EVX2: variants seen among roughly 807,000 people sequenced by gnomAD.
EVX2 encodes homeobox even-skipped homolog protein 2.
EVX2 carries 10 observed loss-of-function variants against 19.2 expected under a neutral mutation model. The observed-to-expected ratio is 0.52, with a 90% CI of 0.32 to 0.89. EVX2 has a LOEUF of 0.89. EVX2 is among the 40% of genes least tolerant of loss of function. EVX2 has a pLI of 0.03. For missense variants in EVX2, 710 were observed against 694.9 expected (o/e 1.02, Z -0.24); for synonymous variants, 354 against 328.4 (o/e 1.08, Z -0.84).
In EVX2 at chr2:176,080,723, C is replaced by T; in HGVS notation, c.815G>A (p.Gly272Glu). Residue 272 changes from glycine to glutamate, a missense_variant, in exon 3 of 3, where the codon GGA becomes GAA. By Grantham distance (98) the Gly-to-Glu change is moderately conservative (BLOSUM62 -2). Coordinates refer to ENST00000308618, the MANE Select transcript of EVX2 (RefSeq NM_001080458.2). This position sits in a 1 kb window ranked among gnomAD's most constrained non-coding sequence, Gnocchi z 7.0. ...TYMMTHAAAT[G>E]SLPYPFHSHV... ...CGAGTGGAAGGGGTAGGGCAGGCTT[C>T]CGGTGGCGGCCGCGTGCGTCATCAT... 6.2e-7 allele frequency: 1 copy of T among 1,607,400 alleles called. No homozygotes were observed. The highest frequency in any genetic ancestry group is 8.5e-7 in the Non-Finnish European group (1 of 1,179,560).
Position 176,080,114 on chromosome 2 carries a change from G to A in EVX2, c.1424C>T (p.Thr475Ile), listed in dbSNP as rs1295456533. The change falls in exon 3 of 3, where the codon ACC becomes ATC. Residue 475 changes from threonine to isoleucine, a missense_variant. Transcript: ENST00000308618. The surrounding 1 kb of genome is among the most constrained non-coding windows in gnomAD (Gnocchi z 7.0). ...CTGGCGGTGGCGACGTAGTTATCTG[G>A]TGAGCGGAGCCTCGTCCCTCTGGTC... ...PPDQRDEAPL[T>I]R 1.2e-5 allele frequency: 18 copies of A among 1,544,176 alleles called. No individual in the cohort carries two copies. Among genetic ancestry groups the A allele is most frequent in the Admixed American group, 3.8e-5 (2 of 52,142 alleles).
chr2:176,080,627 G>A lies in EVX2; in HGVS notation c.911C>T (p.Ala304Val). The change falls in exon 3 of 3, where the codon GCG becomes GTG. Residue 304 changes from alanine (A) to valine (V), a missense_variant. Coordinates refer to ENST00000308618, the MANE Select transcript of EVX2 (RefSeq NM_001080458.2). The surrounding 1 kb of genome is among the most constrained non-coding windows in gnomAD (Gnocchi z 7.0). ...GAAGGGCGACGAAGCCGCGGCCGCC[G>A]CGCCTGAGGCTGCAGCCGCGGCCGC... is the stretch of plus-strand genomic sequence containing the variant. ...AAAAAAAASG[A>V]AAAASSPFAT... The A allele has an allele frequency of 3.3e-6, 5 of 1,533,810 alleles. No individual in the cohort carries two copies. The highest frequency in any genetic ancestry group is 4.3e-6 in the Non-Finnish European group (5 of 1,152,808).
chr2:176,083,838 T>C lies in EVX2; in HGVS notation c.-62A>G. On this transcript the variant is annotated 5_prime_UTR_variant, in exon 1 of 3. Transcript: ENST00000308618. This position sits in a 1 kb window ranked among gnomAD's most constrained non-coding sequence, Gnocchi z 4.4. ...TCCCGTCCTAATGATAGGCTGCGCC[T>C]AGGGCTAATTCTCATTCAGCCCCAG... 1 of 1,401,068 alleles carries C rather than the reference T, an allele frequency of 7.1e-7. No individual in the cohort carries two copies. Among genetic ancestry groups the C allele is most frequent in the Non-Finnish European group, 9.8e-7 (1 of 1,016,030 alleles). The allele number at this position is 1,401,068 out of a possible 1,614,324, so 86.8% of individuals were successfully genotyped here. A position where few individuals can be genotyped will look rare whatever the true frequency, so the allele number is the denominator to read the frequency against.
chr2:176,082,209 G>T lies in EVX2; in HGVS notation c.668C>A (p.Ala223Glu). 1 of 1,599,684 alleles carries T rather than the reference G, an allele frequency of 6.3e-7. No homozygotes were observed. Residue 223 changes from alanine (A) to glutamate (E), a missense_variant, in exon 2 of 3, where the codon GCG becomes GAG. Transcript: ENST00000308618. This position sits in a 1 kb window ranked among gnomAD's most constrained non-coding sequence, Gnocchi z 5.2. ...GGTGGTTTCGGGCAGGTTGAGTGCCGCGGCCAGCTCGCACCGGCGGGGCCG... is the reference window on the plus strand; with the variant it reads ...GGTGGTTTCGGGCAGGTTGAGTGCCTCGGCCAGCTCGCACCGGCGGGGCCG... Reference protein sequence around the residue: ...VSRPRRCELAAALNLPETTIK... With the variant: ...VSRPRRCELAEALNLPETTIK...
Position 176,079,278 on chromosome 2 carries a change from T to C in EVX2, c.*829A>G, listed in dbSNP as rs1689095576. ...CTGGCCGTGGCAACCTCTTTTGCCA[T>C]CACTTTTTGCATAAAATATGCAAGA... On this transcript the variant is annotated 3_prime_UTR_variant, in exon 3 of 3. Transcript: ENST00000308618. The surrounding 1 kb of genome is among the most constrained non-coding windows in gnomAD (Gnocchi z 4.4). 6.6e-6 allele frequency: 1 copy of C among 152,206 alleles called. No homozygotes were observed. Among genetic ancestry groups the C allele is most frequent in the African/African-American group, 2.4e-5 (1 of 41,424 alleles). 9.4% of individuals were successfully genotyped at this position (152,206 alleles called of 1,614,324 possible).
In EVX2 at chr2:176,082,317, T is replaced by C; in HGVS notation, c.560A>G (p.Gln187Arg). 1 of 1,598,072 alleles carries C rather than the reference T, an allele frequency of 6.3e-7. No homozygotes were observed. The highest frequency in any genetic ancestry group is 8.5e-7 in the Non-Finnish European group (1 of 1,177,128). ...GAACGCCGTACGGTAGCGCCGCACT[T>C]GATCCGCGCCAGAGCCGGAGCCACC... ...ALGGSGSGAD[Q>R]VRRYRTAFTR... The change falls in exon 2 of 3, where the codon CAA (glutamine) becomes CGA (arginine). Residue 187 changes from glutamine to arginine, a missense_variant. Physicochemically the swap from Gln to Arg is conservative, Grantham distance 43. Coordinates refer to ENST00000308618, the MANE Select transcript of EVX2 (RefSeq NM_001080458.2). The surrounding 1 kb of genome is among the most constrained non-coding windows in gnomAD (Gnocchi z 5.2).
At position 176,080,545 on chromosome 2, in the gene EVX2, C is replaced by A; in HGVS notation, c.993G>T (p.Arg331=). Residue 331 remains arginine, a synonymous_variant, in exon 3 of 3, where the codon CGG becomes CGT. Coordinates refer to ENST00000308618, the MANE Select transcript of EVX2 (RefSeq NM_001080458.2). This position sits in a 1 kb window ranked among gnomAD's most constrained non-coding sequence, Gnocchi z 7.0. ...TFRALSHPYS[R]PELLCSFRHP... ...GGCGGAAGCTACACAGCAGCTCCGG[C>A]CGAGAGTAGGGGTGCGAGAGGGCGC... is the stretch of plus-strand genomic sequence containing the variant. 1 of 1,514,648 alleles carries A rather than the reference C, an allele frequency of 6.6e-7. No individual in the cohort carries two copies. Among genetic ancestry groups the A allele is most frequent in the Non-Finnish European group, 8.7e-7 (1 of 1,146,988 alleles). 93.8% of individuals were successfully genotyped at this position (1,514,648 alleles called of 1,614,324 possible).
Position 176,080,824 on chromosome 2 carries a change from G to A in EVX2, c.714C>T (p.Asn238=), listed in dbSNP as rs1689137820. The A allele has an allele frequency of 1.2e-6, 2 of 1,611,564 alleles. No individual in the cohort carries two copies. Among genetic ancestry groups the A allele is most frequent in the South Asian group, 2.2e-5 (2 of 90,922 alleles). ...GCTGCCGCTTGTCCTTCATGCGCCG[G>A]TTCTGGAACCACACCTGCGGGGAGA... is the stretch of plus-strand genomic sequence containing the variant. ...PETTIKVWFQ[N]RRMKDKRQRL... Residue 238 remains asparagine (N), a synonymous_variant, in exon 3 of 3, where the codon AAC becomes AAT. Transcript: ENST00000308618. This position sits in a 1 kb window ranked among gnomAD's most constrained non-coding sequence, Gnocchi z 7.0.
Position 176,080,395 on chromosome 2 carries a change from G to A in EVX2, c.1143C>T (p.Ser381=). The change falls in exon 3 of 3, where the codon AGC becomes AGT. Residue 381 remains serine (S), a synonymous_variant. Transcript: ENST00000308618. This position sits in a 1 kb window ranked among gnomAD's most constrained non-coding sequence, Gnocchi z 7.0. Reference sequence around the variant, plus strand: ...GGCACGAGCAGGGTGCAGAGCCGCCGCTGGGGGGCGCGCCGGCCGCCGCCG... The same window carrying A: ...GGCACGAGCAGGGTGCAGAGCCGCCACTGGGGGGCGCGCCGGCCGCCGCCG... ...SSAAAAGAPP[S]GGSAPCSCLS... is the part of the protein sequence containing the mutation. 9.1e-7 allele frequency: 1 copy of A among 1,097,140 alleles called. No individual in the cohort carries two copies. The allele number at this position is 1,097,140 out of a possible 1,614,324, so 68.0% of individuals were successfully genotyped here.
chr2:176,080,713 G>C lies in EVX2; in HGVS notation c.825C>G (p.Pro275=). 1 of 1,606,430 alleles carries C rather than the reference G, an allele frequency of 6.2e-7. No individual in the cohort carries two copies. The highest frequency in any genetic ancestry group is 8.5e-7 in the Non-Finnish European group (1 of 1,179,472). ...MTHAAATGSL[P]YPFHSHVPLH... ...GCGGCACGTGCGAGTGGAAGGGGTA[G>C]GGCAGGCTTCCGGTGGCGGCCGCGT... Residue 275 remains proline (P), a synonymous_variant, in exon 3 of 3, where the codon CCC becomes CCG. Coordinates refer to ENST00000308618, the MANE Select transcript of EVX2 (RefSeq NM_001080458.2). The surrounding 1 kb of genome is among the most constrained non-coding windows in gnomAD (Gnocchi z 7.0).
At position 176,079,279 on chromosome 2, in the gene EVX2, C is replaced by T. The variant is rs768587793; in HGVS notation, c.*828G>A. 1 of 152,258 alleles carries T rather than the reference C, an allele frequency of 6.6e-6. No individual in the cohort carries two copies. Among genetic ancestry groups the T allele is most frequent in the Non-Finnish European group, 1.5e-5 (1 of 68,068 alleles). The allele number at this position is 152,258 out of a possible 1,614,324, so 9.4% of individuals were successfully genotyped here. On this transcript the variant is annotated 3_prime_UTR_variant, in exon 3 of 3. Transcript: ENST00000308618. The surrounding 1 kb of genome is among the most constrained non-coding windows in gnomAD (Gnocchi z 4.4). Reference sequence around the variant, plus strand: ...TGGCCGTGGCAACCTCTTTTGCCATCACTTTTTGCATAAAATATGCAAGAT... The same window carrying T: ...TGGCCGTGGCAACCTCTTTTGCCATTACTTTTTGCATAAAATATGCAAGAT...
Position 176,080,891 on chromosome 2 carries a change from G to A in EVX2, c.700-53C>T. The A allele has an allele frequency of 6.4e-7, 1 of 1,562,882 alleles. No individual in the cohort carries two copies. The highest frequency in any genetic ancestry group is 8.6e-7 in the Non-Finnish European group (1 of 1,157,112). On this transcript the variant is annotated intron_variant, in intron 2 of 2. Coordinates refer to ENST00000308618, the MANE Select transcript of EVX2 (RefSeq NM_001080458.2). The surrounding 1 kb of genome is among the most constrained non-coding windows in gnomAD (Gnocchi z 7.0). ...GGTTAGGGAGCGCCCCGTGTTCCCA[G>A]CTCCTGTCCCAGGACCTCTGCCCCT...
In EVX2 at chr2:176,080,515, A is replaced by C; in HGVS notation, c.1023T>G (p.Pro341=). The C allele has an allele frequency of 2.7e-6, 4 of 1,458,834 alleles. No homozygotes were observed. The highest frequency in any genetic ancestry group is 2.7e-6 in the Non-Finnish European group (3 of 1,119,298). The allele number at this position is 1,458,834 out of a possible 1,614,324, so 90.4% of individuals were successfully genotyped here. ...CGGCCGCGGGAGCCTGGTAGAGACC[A>C]GGGTGGCGGAAGCTACACAGCAGCT... The part of the protein sequence containing the change: ...RPELLCSFRH[P]GLYQAPAAAA... Residue 341 remains proline, a synonymous_variant, in exon 3 of 3, where the codon CCT becomes CCG. Transcript: ENST00000308618. This position sits in a 1 kb window ranked among gnomAD's most constrained non-coding sequence, Gnocchi z 7.0.
rs1689166412 is a variant in EVX2 at position 176,082,732 on chromosome 2, G to T, written c.428-283C>A. Among the ~76,000 whole-genome samples the T allele has an allele frequency of 6.6e-6, 1 of 152,232 alleles. No homozygotes were observed. The highest frequency in any genetic ancestry group is 1.5e-5 in the Non-Finnish European group (1 of 68,042). On this transcript the variant is annotated intron_variant, in intron 1 of 2. Coordinates refer to ENST00000308618, the MANE Select transcript of EVX2 (RefSeq NM_001080458.2). The surrounding 1 kb of genome is among the most constrained non-coding windows in gnomAD (Gnocchi z 5.2). ...CGAGGGAAAATGCCTACCTCTGGGC[G>T]CAGTTTGGGAAGCTCTGGGTTTCCC... is the stretch of plus-strand genomic sequence containing the variant.
chr2:176,082,551 G>A lies in EVX2; in HGVS notation c.428-102C>T. Reference sequence around the variant, plus strand: ...GGAAGCCCCGTCAGGAAGGAGAGTCGCTGCCGGAATTGATGGGGTCTGTCA... The same window carrying A: ...GGAAGCCCCGTCAGGAAGGAGAGTCACTGCCGGAATTGATGGGGTCTGTCA... On this transcript the variant is annotated intron_variant, in intron 1 of 2. Coordinates refer to ENST00000308618, the MANE Select transcript of EVX2 (RefSeq NM_001080458.2). The surrounding 1 kb of genome is among the most constrained non-coding windows in gnomAD (Gnocchi z 5.2). 3 of 1,372,746 alleles carry A rather than the reference G, an allele frequency of 2.2e-6. No homozygotes were observed. In the South Asian group the frequency reaches 4.4e-5, roughly 20 times the overall value. 85.0% of individuals were successfully genotyped at this position (1,372,746 alleles called of 1,614,324 possible).
chr2:176,080,470 C>T lies in EVX2; in HGVS notation c.1068G>A (p.Ala356=). 2 of 1,241,420 alleles carry T rather than the reference C, an allele frequency of 1.6e-6. No homozygotes were observed. The highest frequency in any genetic ancestry group is 3.1e-5 in the South Asian group (1 of 32,418). 76.9% of individuals were successfully genotyped at this position (1,241,420 alleles called of 1,614,324 possible). The change falls in exon 3 of 3, where the codon GCG becomes GCA. Residue 356 remains alanine, a synonymous_variant. Transcript: ENST00000308618. This position sits in a 1 kb window ranked among gnomAD's most constrained non-coding sequence, Gnocchi z 7.0. ...CTGCCGCGGCTGCCGCGGCAGAGGC[C>T]GCGCTGTTGAGCCCCGCGGCGGCCG... is the stretch of plus-strand genomic sequence containing the variant. ...APAAAAGLNS[A]ASAAAAAAAA...
rs759129244 is a variant in EVX2, at chr2:176,079,913, G to T, written c.*194C>A. 4.3e-5 allele frequency: 21 copies of T among 492,954 alleles called. No homozygotes were observed. Among genetic ancestry groups the T allele is most frequent in the Non-Finnish European group, 6.3e-5 (19 of 301,226 alleles). The allele number at this position is 492,954 out of a possible 1,614,324, so 30.5% of individuals were successfully genotyped here. ...TACAAAAATAGAAATAATTTAGGGGGATGCCCGCCAGGCTTTTGCGCCTGC... is the reference window on the plus strand; with the variant it reads ...TACAAAAATAGAAATAATTTAGGGGTATGCCCGCCAGGCTTTTGCGCCTGC... On this transcript the variant is annotated 3_prime_UTR_variant, in exon 3 of 3. Coordinates refer to ENST00000308618, the MANE Select transcript of EVX2 (RefSeq NM_001080458.2). This position sits in a 1 kb window ranked among gnomAD's most constrained non-coding sequence, Gnocchi z 4.4.
chr2:176,080,087 C>T lies in EVX2; in HGVS notation c.*20G>A. On this transcript the variant is annotated 3_prime_UTR_variant, in exon 3 of 3. Transcript: ENST00000308618. The surrounding 1 kb of genome is among the most constrained non-coding windows in gnomAD (Gnocchi z 7.0). ...CACACTCAGAGAGGCGGGCGCGGCCCCCTGGCGGTGGCGACGTAGTTATCT... is the reference window on the plus strand; with the variant it reads ...CACACTCAGAGAGGCGGGCGCGGCCTCCTGGCGGTGGCGACGTAGTTATCT... The T allele has an allele frequency of 6.7e-7, 1 of 1,499,916 alleles. No homozygotes were observed. The highest frequency in any genetic ancestry group is 8.9e-7 in the Non-Finnish European group (1 of 1,126,752). 92.9% of individuals were successfully genotyped at this position (1,499,916 alleles called of 1,614,324 possible).
In EVX2 at chr2:176,081,726, T is replaced by C. The variant is rs1689148582; in HGVS notation, c.699+452A>G. ...GGAAAATGTTCAGGAAACTACTGTC[T>C]CAAACCAATCGATTTTAAAGATACA... is the stretch of plus-strand genomic sequence containing the variant. On this transcript the variant is annotated intron_variant, in intron 2 of 2. Coordinates refer to ENST00000308618, the MANE Select transcript of EVX2 (RefSeq NM_001080458.2). This position sits in a 1 kb window ranked among gnomAD's most constrained non-coding sequence, Gnocchi z 5.9. 6.6e-6 allele frequency among the ~76,000 whole-genome samples: 1 copy of C among 152,218 alleles called. No homozygotes were observed. Among genetic ancestry groups the C allele is most frequent in the Non-Finnish European group, 1.5e-5 (1 of 68,048 alleles).
Sources: gnomAD v4.1 joint callset for allele counts (sites outside exome capture counted in the v4.1 genomes callset) on GRCh38, gnomAD v4.1.1 for gene constraint, Gnocchi (gnomAD v3.1) non-coding constraint, MANE v1.5 for transcripts, NCBI Gene and HGNC (gene_info 2026-07-23, HGNC 2026-07-21) for gene names.